MEGF10: variants seen among roughly 807,000 people sequenced by gnomAD.
The protein encoded by MEGF10 is multiple epidermal growth factor-like domains protein 10.
MEGF10 carries 86 observed loss-of-function variants against 147.5 expected under a neutral mutation model. That is an observed-to-expected ratio of 0.58 (90% CI 0.49 to 0.70). MEGF10 has a LOEUF of 0.70. MEGF10 is among the 30% of genes least tolerant of loss of function. The probability of loss-of-function intolerance (pLI) is 0.00; values close to 1 mark genes in which losing one functional copy is unlikely to be tolerated. For missense variants in MEGF10, 1,329 were observed against 1,487.3 expected (o/e 0.89, Z 1.75); for synonymous variants, 478 against 525.5 (o/e 0.91, Z 1.24).
In MEGF10 at chr5:127,443,142, A is replaced by C. The variant is rs1561650273; in HGVS notation, c.2491+16A>C. The C allele has an allele frequency of 6.2e-7, 1 of 1,609,134 alleles. No individual in the cohort carries two copies. The highest frequency in any genetic ancestry group is 8.5e-7 in the Non-Finnish European group (1 of 1,177,284). The stretch of plus-strand genomic sequence containing the variant: ...TGTGATCAAGGTAAATATACTAGCT[A>C]ATGTTTGTAGCACTGCAGTATTGTG... On this transcript the variant is annotated intron_variant, in intron 19 of 24. Transcript: ENST00000503335.
chr5:127,387,600 A>G (rs780782365), intron 5 of MEGF10, among the ~76,000 whole-genome samples: 36 of 152,218 alleles, frequency 2.4e-4, no homozygotes, highest in African/African-American at 8.0e-4. Flanking sequence ...TCAGCGTGGC[A>G]TAAGGGATGA....
At chr5:127,382,174 G>T (rs1490861550) in intron 5 of MEGF10, among the ~76,000 whole-genome samples, 1 of 152,146 alleles carries the variant, frequency 6.6e-6, no homozygotes, top group Non-Finnish European at 1.5e-5. Flanking sequence ...TAATGAGTTT[G>T]AACATTTGTG....
At chr5:127,293,801 T>C (rs1211579376) in intron 1 of MEGF10, among the ~76,000 whole-genome samples, 2 of 152,222 alleles carry the variant, frequency 1.3e-5, no homozygotes, top group African/African-American at 4.8e-5. Flanking sequence ...AATCTGCATT[T>C]TGAGATCTCC....
chr5:127,403,300 AT>A (rs971233906), intron 8 of MEGF10, among the ~76,000 whole-genome samples: 25 of 151,526 alleles, frequency 1.6e-4, no homozygotes, highest in African/African-American at 5.8e-4. Context: ...TTTTATTTTT[AT>A]TTTTTTTGTG....
chr5:127,298,135 C>T (rs2585197), intron 1 of MEGF10, among the ~76,000 whole-genome samples: 78,523 of 151,884 alleles, frequency 0.52, 21,306 homozygotes, highest in Middle Eastern at 0.63. Context: ...AAATGTTAAA[C>T]ATCCTTGCTT....
the MEGF10 span, among the ~76,000 whole-genome samples, chr5:127,241,659 A>C: frequency 6.6e-6 from 1 of 152,162 alleles, no homozygotes; most frequent in Non-Finnish European, 1.5e-5. Context: ...TGCAAAAGTA[A>C]TTGTGGTTTT....
intron 4 of MEGF10, among the ~76,000 whole-genome samples, chr5:127,360,509 G>C (rs146722904): frequency 0.011 from 1,635 of 151,852 alleles, 32 homozygotes; most frequent in African/African-American, 0.038. Context: ...AGAACCCCCA[G>C]TATCATGCTG....
intron 5 of MEGF10, among the ~76,000 whole-genome samples, chr5:127,378,166 C>T (rs1488280575): frequency 2.0e-5 from 3 of 152,166 alleles, no homozygotes; most frequent in African/African-American, 7.2e-5. Context: ...CCTAACTGCT[C>T]TCCTTTCTGT....
chr5:127,438,681 T>G, intron 17 of MEGF10, 114 bp downstream of exon 17: 1 of 1,082,826 alleles, frequency 9.2e-7, no homozygotes, highest in Non-Finnish European at 1.3e-6. Flanking sequence ...GTTGGAGTAC[T>G]TCCCTCTCCT....
At chr5:127,324,367 T>C (rs1356872956) in intron 1 of MEGF10, among the ~76,000 whole-genome samples, 1 of 152,272 alleles carries the variant, frequency 6.6e-6, no homozygotes, top group Admixed American at 6.5e-5. Flanking sequence ...CTTTCTCTAA[T>C]AAAAAAGAGA....
chr5:127,318,882 A>G (rs962660699), intron 1 of MEGF10, among the ~76,000 whole-genome samples: 2 of 152,232 alleles, frequency 1.3e-5, no homozygotes, highest in African/African-American at 4.8e-5. Context: ...GCAATGCACA[A>G]TTGCCTAATG....
At chr5:127,302,555 G>T (rs776424338) in intron 1 of MEGF10, among the ~76,000 whole-genome samples, 1 of 152,200 alleles carries the variant, frequency 6.6e-6, no homozygotes. Flanking sequence ...AGATAGTGAT[G>T]ATGGTTGCAC....
chr5:127,426,925 G>A (rs934123469), intron 13 of MEGF10, among the ~76,000 whole-genome samples: 2 of 152,174 alleles, frequency 1.3e-5, no homozygotes, highest in South Asian at 2.1e-4. Context: ...CTTCGAACTT[G>A]CATATTCCCA....
At chr5:127,236,188 G>A in the MEGF10 span, among the ~76,000 whole-genome samples, 12 of 152,068 alleles carry the variant, frequency 7.9e-5, no homozygotes, top group African/African-American at 2.7e-4. Flanking sequence ...GGCCAGGATG[G>A]TCTCCATCTC....
At position 127,433,404 on chromosome 5, in the gene MEGF10, C is replaced by A; in HGVS notation, c.1735C>A (p.Pro579Thr). Residue 579 changes from proline to threonine, a missense_variant, in exon 14 of 25, where the codon CCC becomes ACC. Coordinates refer to ENST00000503335, the MANE Select transcript of MEGF10 (RefSeq NM_001256545.2). ...CGTGTGTGCTGAGGGACGCTGGGGC[C>A]CCAACTGCTCCCTGCCCTGCTACTG... ...DSVCAEGRWG[P>T]NCSLPCYCKN... The A allele has an allele frequency of 6.2e-7, 1 of 1,614,134 alleles. No homozygotes were observed. Among genetic ancestry groups the A allele is most frequent in the Non-Finnish European group, 8.5e-7 (1 of 1,180,008 alleles).
chr5:127,262,413 AG>A, the MEGF10 span, among the ~76,000 whole-genome samples: 1 of 152,120 alleles, frequency 6.6e-6, no homozygotes, highest in Non-Finnish European at 1.5e-5. Flanking sequence ...TAGGCTGAAA[AG>A]GGAAATTGGA....
rs180832432 is a variant in MEGF10, at chr5:127,370,889, G to A, written c.412+887G>A. The stretch of plus-strand genomic sequence containing the variant: ...GAAACATTACATTTTGAAAAAGGAA[G>A]CCATCGTTTTAAAAAGTTAGCAAGT... On this transcript the variant is annotated intron_variant, in intron 5 of 24. Coordinates refer to ENST00000503335, the MANE Select transcript of MEGF10 (RefSeq NM_001256545.2). Among the ~76,000 whole-genome samples the A allele has an allele frequency of 2.6e-5, 4 of 152,262 alleles. No homozygotes were observed. The East Asian group carries it at 5.8e-4, about 22-fold the overall frequency.
chr5:127,366,122 G>T (rs1421168874), intron 4 of MEGF10, among the ~76,000 whole-genome samples: 1 of 152,126 alleles, frequency 6.6e-6, no homozygotes, highest in Non-Finnish European at 1.5e-5. Context: ...GGGGAGGTAA[G>T]ACCAAGGTAG....
chr5:127,394,994 G>A (rs1763844593), intron 5 of MEGF10, among the ~76,000 whole-genome samples: 1 of 152,206 alleles, frequency 6.6e-6, no homozygotes, highest in African/African-American at 2.4e-5. Context: ...TGAGTTGTTT[G>A]CTGTGTACCT....
Sources: gnomAD v4.1 joint callset for allele counts (sites outside exome capture counted in the v4.1 genomes callset) on GRCh38, gnomAD v4.1.1 for gene constraint, MANE v1.5 for transcripts, NCBI Gene and HGNC (gene_info 2026-07-23, HGNC 2026-07-21) for gene names.